EFCAB11: variants seen among roughly 807,000 people sequenced by gnomAD.
The protein encoded by EFCAB11 is EF-hand calcium binding domain 11, also known as EF-hand calcium-binding domain-containing protein 11.
EFCAB11 carries 14 observed loss-of-function variants against 23.0 expected under a neutral mutation model. The ratio of observed to expected loss-of-function variants is 0.61; its 90% CI spans 0.40 to 0.95. The LOEUF (loss-of-function observed/expected upper bound fraction) is 0.95. EFCAB11 is among the 40% of genes least tolerant of loss of function. The pLI, the probability that EFCAB11 is intolerant of heterozygous loss-of-function variation, is 0.00. For synonymous variants in EFCAB11, 65 were observed against 66.6 expected (o/e 0.98, Z 0.11); for missense variants, 198 against 195.8 (o/e 1.01, Z -0.07).
intron 5 of EFCAB11, among the ~76,000 whole-genome samples, chr14:89,860,059 T>C (rs1006583715): frequency 6.6e-6 from 1 of 152,088 alleles, no homozygotes; most frequent in African/African-American, 2.4e-5. Context: ...TTGGCTCCTT[T>C]TAGGACTAAA....
chr14:89,810,551 T>C (rs1886117381), intron 5 of EFCAB11, among the ~76,000 whole-genome samples: 1 of 151,356 alleles, frequency 6.6e-6, no homozygotes, highest in East Asian at 1.9e-4. Flanking sequence ...AGGTCAGGAG[T>C]TTGAGACCAG....
At chr14:89,903,977 GT>G (rs138447121) in intron 5 of EFCAB11, among the ~76,000 whole-genome samples, 2 of 151,778 alleles carry the variant, frequency 1.3e-5, no homozygotes, top group East Asian at 1.9e-4. Flanking sequence ...AAACATATCT[GT>G]TTTTTTAATT....
At chr14:89,841,202 A>T (rs1284002524) in intron 5 of EFCAB11, among the ~76,000 whole-genome samples, 2 of 152,094 alleles carry the variant, frequency 1.3e-5, no homozygotes, top group African/African-American at 4.8e-5. Context: ...TCATGCCTTG[A>T]TTGGAACTTG....
At chr14:89,910,870 C>CA (rs1889655287) in intron 5 of EFCAB11, among the ~76,000 whole-genome samples, 1 of 152,100 alleles carries the variant, frequency 6.6e-6, no homozygotes, top group African/African-American at 2.4e-5. Context: ...TTAGAATTAA[C>CA]ATGAGCCTAA....
intron 5 of EFCAB11, among the ~76,000 whole-genome samples, chr14:89,838,510 C>T (rs1887155980): frequency 1.3e-5 from 2 of 149,522 alleles, no homozygotes; most frequent in African/African-American, 2.5e-5. Flanking sequence ...AGGGAAAGTG[C>T]TAACATTAAA....
At chr14:89,861,221 T>A (rs1385076152) in intron 5 of EFCAB11, among the ~76,000 whole-genome samples, 1 of 152,194 alleles carries the variant, frequency 6.6e-6, no homozygotes, top group Non-Finnish European at 1.5e-5. Flanking sequence ...TTTATACTAA[T>A]ATGACACCAT....
chr14:89,904,767 AT>A (rs1431622139), intron 5 of EFCAB11, among the ~76,000 whole-genome samples: 1 of 152,202 alleles, frequency 6.6e-6, no homozygotes, highest in Non-Finnish European at 1.5e-5. Flanking sequence ...GGCTGCATAA[AT>A]ATCTTCTTTT....
At chr14:89,820,515 C>T (rs78953044) in intron 5 of EFCAB11, among the ~76,000 whole-genome samples, 3,416 of 151,906 alleles carry the variant, frequency 0.022, 125 homozygotes, top group African/African-American at 0.078. Flanking sequence ...GTGCTGCACA[C>T]TAGATTTCAG....
At chr14:89,807,525 T>A (rs908567377) in intron 5 of EFCAB11, among the ~76,000 whole-genome samples, 1 of 152,250 alleles carries the variant, frequency 6.6e-6, no homozygotes, top group Non-Finnish European at 1.5e-5. Context: ...GAGTTTCATT[T>A]TGCTAATGCA....
intron 5 of EFCAB11, chr14:89,891,980 A>G (rs1035238522): frequency 1.4e-6 from 2 of 1,473,632 alleles, no homozygotes; most frequent in African/African-American, 2.8e-5. Context: ...GCCGCGGGTC[A>G]AGCTGCAGCT....
rs1427524889 is a variant in EFCAB11, at chr14:89,836,661, T to A, written c.411-39337A>T. On this transcript the variant is annotated intron_variant, in intron 5 of 5. Transcript: ENST00000316738. ...CCTTCTAGCTCATTATTAATGTACATCTGTCAGGGTAGAAAGATAAAACAG... is the reference window on the plus strand; with the variant it reads ...CCTTCTAGCTCATTATTAATGTACAACTGTCAGGGTAGAAAGATAAAACAG... 10 of 456,620 alleles carry A rather than the reference T, an allele frequency of 2.2e-5. No homozygotes were observed. The Admixed American group carries it at 2.3e-4, about 11-fold the overall frequency. The allele number at this position is 456,620 out of a possible 1,614,324, so 28.3% of individuals were successfully genotyped here.
Position 89,882,311 on chromosome 14 carries a change from T to C in EFCAB11, c.410+49230A>G, listed in dbSNP as rs903555528. 7.9e-5 allele frequency among the ~76,000 whole-genome samples: 12 copies of C among 152,330 alleles called. No homozygotes were observed. The East Asian group carries it at 2.3e-3, about 29-fold the overall frequency. On this transcript the variant is annotated intron_variant, in intron 5 of 5. Transcript: ENST00000316738. ...AGGGTGAAGCACAATGGGAAATGTA[T>C]GTGCGGCATATGTTGAGATGGTCTA...
At chr14:89,801,904 G>C (rs1885792930) in intron 5 of EFCAB11, among the ~76,000 whole-genome samples, 1 of 151,652 alleles carries the variant, frequency 6.6e-6, no homozygotes, top group African/African-American at 2.4e-5. Flanking sequence ...TGAGGCAGAA[G>C]AACTGGTTGA....
At chr14:89,924,393 G>T in intron 5 of EFCAB11, 1 of 1,210,454 alleles carries the variant, frequency 8.3e-7, no homozygotes, top group Non-Finnish European at 1.0e-6. Flanking sequence ...TTGGACGCTG[G>T]GTCAGGGCAT....
At chr14:89,805,864 A>G (rs1341526117) in intron 5 of EFCAB11, among the ~76,000 whole-genome samples, 1 of 152,262 alleles carries the variant, frequency 6.6e-6, no homozygotes, top group Non-Finnish European at 1.5e-5. Flanking sequence ...ATGGACAGAC[A>G]GCAGATACTC....
chr14:89,954,348 A>G (rs1441285072), intron 1 of EFCAB11: 6 of 1,536,074 alleles, frequency 3.9e-6, no homozygotes, highest in Non-Finnish European at 2.6e-6. Context: ...TGCAGACTCA[A>G]GGTTACCATT....
At chr14:89,829,366 A>C (rs576751636) in intron 5 of EFCAB11, among the ~76,000 whole-genome samples, 24 of 152,362 alleles carry the variant, frequency 1.6e-4, no homozygotes, top group Non-Finnish European at 8.8e-5. Context: ...TAGTGCGTTA[A>C]ATCTTAGATT....
intron 5 of EFCAB11, among the ~76,000 whole-genome samples, chr14:89,847,236 A>G (rs1483309980): frequency 6.6e-6 from 1 of 152,132 alleles, no homozygotes; most frequent in Non-Finnish European, 1.5e-5. Context: ...CAAAACTGCT[A>G]ATCATCCCCT....
At chr14:89,886,846 G>T (rs973318464) in intron 5 of EFCAB11, among the ~76,000 whole-genome samples, 1 of 152,154 alleles carries the variant, frequency 6.6e-6, no homozygotes, top group African/African-American at 2.4e-5. Context: ...AGCCCAAAGA[G>T]TCAGAAAATT....
Sources: allele counts gnomAD v4.1 joint callset (sites outside exome capture counted in the v4.1 genomes callset), GRCh38; gene constraint gnomAD v4.1.1; transcripts MANE v1.5; gene names NCBI Gene and HGNC (gene_info 2026-07-23, HGNC 2026-07-21).